SEMA6A: variants seen among roughly 807,000 people sequenced by gnomAD.
The protein encoded by SEMA6A is semaphorin-6A.
Under a neutral mutation model 96.8 loss-of-function variants are expected in SEMA6A, and 25 were observed. That is an observed-to-expected ratio of 0.26 (90% CI 0.19 to 0.36). The LOEUF (loss-of-function observed/expected upper bound fraction) is 0.36. Ranked by LOEUF, SEMA6A falls within the 10% of genes least tolerant of loss-of-function variation. The probability of loss-of-function intolerance (pLI) is 1.00; values close to 1 mark genes in which losing one functional copy is unlikely to be tolerated. For synonymous variants in SEMA6A, 612 were observed against 518.0 expected, an observed-to-expected ratio of 1.18 and a Z score of -2.46; for missense variants, 1,363 against 1,323.1, an observed-to-expected ratio of 1.03 and a Z score of -0.47.
intron 18 of SEMA6A, among the ~76,000 whole-genome samples, chr5:116,457,189 A>G (rs115588409): frequency 2.6e-3 from 400 of 152,304 alleles, no homozygotes; most frequent in Non-Finnish European, 4.5e-3. Flanking sequence ...TGCGAGACCC[A>G]TCAGCACTTA....
Position 116,447,714 on chromosome 5 carries a change from G to T in SEMA6A, c.1992C>A (p.Val664=). 1 of 1,614,000 alleles carries T rather than the reference G, an allele frequency of 6.2e-7. No homozygotes were observed. Among genetic ancestry groups the T allele is most frequent in the Non-Finnish European group, 8.5e-7 (1 of 1,179,860 alleles). ...AVILAFVMGA[V]FSGITVYCVC... is the part of the protein sequence containing the mutation. The stretch of plus-strand genomic sequence containing the variant: ...CGCAGTAGACGGTGATGCCCGAGAA[G>T]ACGGCCCCCATGACGAAAGCCAGGA... The change falls in exon 19 of 19, where the codon GTC becomes GTA. Residue 664 remains valine, a synonymous_variant. Coordinates refer to ENST00000343348, the MANE Select transcript of SEMA6A (RefSeq NM_020796.5).
chr5:116,467,442 A>G, intron 18 of SEMA6A, 141 bp downstream of exon 18: 2 of 757,762 alleles, frequency 2.6e-6, no homozygotes, highest in South Asian at 4.2e-5. Flanking sequence ...ATGGGGTTGC[A>G]GTCTTTTTCG....
At position 116,568,768 on chromosome 5, in the gene SEMA6A, GA is replaced by G. The variant is rs1761103245; in HGVS notation, c.-39+5416del. ...ACTACCACTGGAAAAACAACACAGT[GA>G]ATGTTCCACTAATGATGCATGAGCC... is the stretch of plus-strand genomic sequence containing the variant. On this transcript the variant is annotated intron_variant, in intron 1 of 18. Transcript: ENST00000343348. Among the ~76,000 whole-genome samples the G allele has an allele frequency of 2.0e-5, 3 of 152,184 alleles. No homozygotes were observed. The South Asian group carries it at 6.2e-4, about 32-fold the overall frequency.
intron 1 of SEMA6A, among the ~76,000 whole-genome samples, chr5:116,561,967 T>TA (rs57355707): frequency 0.25 from 37,554 of 148,686 alleles, 4,621 homozygotes; most frequent in East Asian, 0.31. Flanking sequence ...CTTTATAATT[T>TA]AAAAAAAAAA....
At chr5:116,570,819 C>T (rs1238592699) in intron 1 of SEMA6A, among the ~76,000 whole-genome samples, 1 of 152,194 alleles carries the variant, frequency 6.6e-6, no homozygotes, top group African/African-American at 2.4e-5. Context: ...TACCCATTTA[C>T]TTTTAAAGCA....
intron 9 of SEMA6A, among the ~76,000 whole-genome samples, chr5:116,487,845 C>G (rs758230271): frequency 6.6e-6 from 1 of 152,158 alleles, no homozygotes; most frequent in Non-Finnish European, 1.5e-5. Context: ...GCCTGGGCAA[C>G]TGAGTAAGAC....
chr5:116,473,374 T>C (rs971358832), intron 16 of SEMA6A, among the ~76,000 whole-genome samples: 4 of 152,238 alleles, frequency 2.6e-5, no homozygotes, highest in Non-Finnish European at 4.4e-5. Flanking sequence ...ACTGCAATTA[T>C]AGGTGACTTC....
At chr5:116,482,332 G>C (rs1756823141) in intron 11 of SEMA6A, 112 bp downstream of exon 11, 1 of 1,183,568 alleles carries the variant, frequency 8.4e-7, no homozygotes, top group Admixed American at 2.4e-5. Flanking sequence ...AAGGCAATCT[G>C]CTTGGCTGGC....
intron 4 of SEMA6A, 47 bp from the exon 5 acceptor site, chr5:116,496,360 G>T: frequency 6.4e-7 from 1 of 1,563,286 alleles, no homozygotes; most frequent in Non-Finnish European, 8.8e-7. Flanking sequence ...AGGTTGTTGC[G>T]TTTGATTTTA....
At chr5:116,481,299 C>T (rs1756753174) in intron 11 of SEMA6A, among the ~76,000 whole-genome samples, 1 of 152,136 alleles carries the variant, frequency 6.6e-6, no homozygotes, top group Non-Finnish European at 1.5e-5. Context: ...GGCTGAACTC[C>T]CCTTCCTGCT....
chr5:116,548,964 A>G (rs566133561), intron 1 of SEMA6A, among the ~76,000 whole-genome samples: 2 of 152,324 alleles, frequency 1.3e-5, no homozygotes, highest in Non-Finnish European at 2.9e-5. Context: ...AGTACTCTAA[A>G]CCACTGATTT....
At chr5:116,546,447 C>A (rs930216809) in intron 1 of SEMA6A, among the ~76,000 whole-genome samples, 2 of 152,244 alleles carry the variant, frequency 1.3e-5, no homozygotes, top group African/African-American at 4.8e-5. Context: ...GTCCTCACAT[C>A]TTGTGTCCAT....
chr5:116,459,948 G>A (rs1233949473), intron 18 of SEMA6A, among the ~76,000 whole-genome samples: 2 of 152,098 alleles, frequency 1.3e-5, no homozygotes, highest in African/African-American at 2.4e-5. Flanking sequence ...ACAAAGGAAA[G>A]GTTGCTGTCT....
chr5:116,457,593 A>T (rs1010411948), intron 18 of SEMA6A, among the ~76,000 whole-genome samples: 1 of 152,176 alleles, frequency 6.6e-6, no homozygotes, highest in Non-Finnish European at 1.5e-5. Flanking sequence ...CAGGCTGTAG[A>T]CTTATAAGAG....
chr5:116,494,233 G>A (rs989864564), intron 6 of SEMA6A, among the ~76,000 whole-genome samples: 2 of 152,136 alleles, frequency 1.3e-5, no homozygotes, highest in Non-Finnish European at 2.9e-5. Flanking sequence ...AAGCTCAATA[G>A]GCCATTTCTT....
In SEMA6A at chr5:116,500,151, C is replaced by T. The variant is rs77985231; in HGVS notation, c.218+2059G>A. Among the ~76,000 whole-genome samples, 54 of 152,292 alleles carry T rather than the reference C, an allele frequency of 3.5e-4. 1 individual carries two copies. In the East Asian group the frequency reaches 9.6e-3, roughly 27 times the overall value. On this transcript the variant is annotated intron_variant, in intron 3 of 18. Transcript: ENST00000343348. ...TATCAGAGAGGTGACTACTGAGCAT[C>T]TTATGGAAATGCTTTATAATGGCTA...
chr5:116,473,938 G>A (rs1204811059), intron 16 of SEMA6A, among the ~76,000 whole-genome samples: 1 of 152,164 alleles, frequency 6.6e-6, no homozygotes, highest in Non-Finnish European at 1.5e-5. Flanking sequence ...ACACTACAAA[G>A]CACGAAGGCA....
chr5:116,535,416 T>C (rs1293117901), intron 1 of SEMA6A, among the ~76,000 whole-genome samples: 1 of 152,110 alleles, frequency 6.6e-6, no homozygotes, highest in African/African-American at 2.4e-5. Context: ...ATGAGCAAAA[T>C]GCATGGTGGC....
intron 1 of SEMA6A, among the ~76,000 whole-genome samples, chr5:116,522,191 A>G (rs1758986398): frequency 6.6e-6 from 1 of 152,154 alleles, no homozygotes; most frequent in Non-Finnish European, 1.5e-5. Context: ...TTGGGTAAGA[A>G]ACTCACTTTT....
Sources: gnomAD v4.1 joint callset for allele counts (sites outside exome capture counted in the v4.1 genomes callset) on GRCh38, gnomAD v4.1.1 for gene constraint, MANE v1.5 for transcripts, NCBI Gene and HGNC (gene_info 2026-07-23, HGNC 2026-07-21) for gene names.